The following ABCG5 variants were observed in gnomAD, a reference collection of about 807,000 sequenced individuals.
ABCG5 encodes ATP-binding cassette sub-family G member 5.
A neutral mutation model predicts 64.5 loss-of-function variants in ABCG5; 64 were observed. The ratio of observed to expected loss-of-function variants is 0.99; its 90% confidence interval spans 0.81 to 1.22. ABCG5 has a LOEUF of 1.22. Ranked by LOEUF, ABCG5 falls within the 50% of genes most tolerant of loss-of-function variation. ABCG5 has a pLI of 0.00. For synonymous variants in ABCG5, 385 were observed against 326.3 expected (o/e 1.18, Z -1.94); for missense variants, 908 against 829.5 (o/e 1.09, Z -1.16).
chr2:43,828,228 A>G (rs969261328), intron 4 of ABCG5, 113 bp from the exon 5 acceptor site: 21 of 1,432,836 alleles, frequency 1.5e-5, no homozygotes, highest in Non-Finnish European at 1.9e-5. Context: ...TCCAAGGGCC[A>G]CTTCCAGACT....
chr2:43,826,565 C>T (rs1193487547), intron 5 of ABCG5, 44 bp from the exon 6 acceptor site: 1 of 1,613,558 alleles, frequency 6.2e-7, no homozygotes. Flanking sequence ...GTGCAGAGCC[C>T]AGGCTCTGTG....
At chr2:43,817,798 T>C (rs542815468) in intron 11 of ABCG5, among the ~76,000 whole-genome samples, 1 of 151,692 alleles carries the variant, frequency 6.6e-6, no homozygotes, top group Admixed American at 6.6e-5. Flanking sequence ...TAATCCCAGC[T>C]ACTCGGGAGG....
Position 43,824,359 on chromosome 2 carries a change from T to C in ABCG5, c.978A>G (p.Glu326=). Residue 326 remains glutamate, a synonymous_variant, in exon 8 of 13, where the codon GAA becomes GAG. Coordinates refer to ENST00000405322, the MANE Select transcript of ABCG5 (RefSeq NM_022436.3). ...AAATTGCTGATTTCTTGTAGGCAGA[T>C]TCTATCATCTGGACTCTCTTGGAGG... is the stretch of plus-strand genomic sequence containing the variant. ...IETSKRVQMI[E]SAYKKSAICH... 26 of 1,614,220 alleles carry C rather than the reference T, an allele frequency of 1.6e-5. No individual in the cohort carries two copies. Among genetic ancestry groups the C allele is most frequent in the Non-Finnish European group, 2.2e-5 (26 of 1,180,040 alleles).
chr2:43,809,563 A>G (rs1666406154), downstream of ABCG5: 1 of 673,986 alleles, frequency 1.5e-6, no homozygotes, highest in African/African-American at 1.8e-5. Flanking sequence ...ATCATTTACA[A>G]AATAATTGGC....
chr2:43,813,708 C>G (rs565464350), intron 12 of ABCG5, among the ~76,000 whole-genome samples: 32 of 35,334 alleles, frequency 9.1e-4, no homozygotes, highest in East Asian at 2.8e-3. Context: ...TTTTTTTTTT[C>G]GTTTTTTTTT....
At chr2:43,832,271 G>T in intron 2 of ABCG5, 188 bp from the exon 3 acceptor site, 1 of 722,056 alleles carries the variant, frequency 1.4e-6, no homozygotes, top group Non-Finnish European at 2.3e-6. Flanking sequence ...GCGTGCAGCA[G>T]TCTCACGCGC....
At chr2:43,814,739 A>T (rs1431073015) in intron 11 of ABCG5, 150 bp from the exon 12 acceptor site, 1 of 586,642 alleles carries the variant, frequency 1.7e-6, no homozygotes, top group Non-Finnish European at 3.0e-6. Context: ...AAAAACCTTC[A>T]AACAACATTG....
chr2:43,829,205 T>C (rs1468668848), intron 4 of ABCG5, among the ~76,000 whole-genome samples: 1 of 152,208 alleles, frequency 6.6e-6, no homozygotes, highest in Non-Finnish European at 1.5e-5. Flanking sequence ...AAATGCTTTA[T>C]GTGTTTACAA....
At chr2:43,808,175 T>C (rs1458375732), downstream of ABCG5, among the ~76,000 whole-genome samples, 6 of 152,086 alleles carry the variant, frequency 3.9e-5, no homozygotes, top group Admixed American at 3.9e-4. Context: ...CTGAATTAGC[T>C]TTATTAGAAA....
Position 43,820,091 on chromosome 2 carries a change from G to C in ABCG5, c.1473C>G (p.Gly491=), listed in dbSNP as rs1667090060. Residue 491 remains glycine, a synonymous_variant, in exon 11 of 13, where the codon GGC becomes GGG. Coordinates refer to ENST00000405322, the MANE Select transcript of ABCG5 (RefSeq NM_022436.3). ...CAAATCGGGCAACCTCAGGATGTAAGCCCAGCGTCCTAGAAAAGCATAAGC... is the reference window on the plus strand; with the variant it reads ...CAAATCGGGCAACCTCAGGATGTAACCCCAGCGTCCTAGAAAAGCATAAGC... ...IFSSVCYWTL[G]LHPEVARFGY... is the part of the protein sequence containing the mutation. 2 of 1,613,666 alleles carry C rather than the reference G, an allele frequency of 1.2e-6. No individual in the cohort carries two copies. Among genetic ancestry groups the C allele is most frequent in the African/African-American group, 1.3e-5 (1 of 74,906 alleles).
chr2:43,819,847 A>C, intron 11 of ABCG5, 68 bp downstream of exon 11: 1 of 1,529,902 alleles, frequency 6.5e-7, no homozygotes, highest in South Asian at 1.1e-5. Context: ...CCTTTACTTC[A>C]GTCATTATTA....
upstream of ABCG5, chr2:43,838,978 G>C: frequency 6.8e-7 from 1 of 1,464,732 alleles, no homozygotes; most frequent in South Asian, 1.2e-5. This position sits in a 1 kb window ranked among gnomAD's most constrained non-coding sequence, Gnocchi z 4.2. Context: ...AGGAAACAGA[G>C]TGAAGACACT....
intron 10 of ABCG5, chr2:43,822,417 C>T: frequency 1.4e-6 from 1 of 696,348 alleles, no homozygotes; most frequent in Non-Finnish European, 1.8e-6. Flanking sequence ...GTCCTCTTCC[C>T]ACCCTCTGAA....
Position 43,831,881 on chromosome 2 carries a change from G to A in ABCG5, c.403-14C>T. 6.4e-7 allele frequency: 1 copy of A among 1,561,372 alleles called. No homozygotes were observed. Among genetic ancestry groups the A allele is most frequent in the Non-Finnish European group, 8.7e-7 (1 of 1,153,886 alleles). ...CAGGGTGTCGCTCTGCAGGAGACTC[G>A]GGCGTCAGTGTAGCCTAAGCCCCCG... On this transcript the variant is annotated splice_polypyrimidine_tract_variant and intron_variant, in intron 3 of 12. Coordinates refer to ENST00000405322, the MANE Select transcript of ABCG5 (RefSeq NM_022436.3).
intron 6 of ABCG5, among the ~76,000 whole-genome samples, chr2:43,825,408 GCTC>G (rs1311779608): frequency 1.3e-5 from 2 of 152,088 alleles, no homozygotes; most frequent in Non-Finnish European, 2.9e-5. Flanking sequence ...TTAAATCTCA[GCTC>G]CTCCTCTGTA....
In ABCG5 at chr2:43,836,948, G is replaced by A. The variant is rs529109386; in HGVS notation, c.265+886C>T. 2.6e-5 allele frequency among the ~76,000 whole-genome samples: 4 copies of A among 151,614 alleles called. No homozygotes were observed. The East Asian group carries it at 7.9e-4, about 30-fold the overall frequency. ...CCCAGCTGAGGTGGGAGGATCACTT[G>A]AGCTCAGGAGGTTAAGGATGCAGTG... On this transcript the variant is annotated intron_variant, in intron 2 of 12. Transcript: ENST00000405322.
chr2:43,832,265 G>T, intron 2 of ABCG5, 182 bp from the exon 3 acceptor site: 2 of 763,558 alleles, frequency 2.6e-6, no homozygotes, highest in Non-Finnish European at 4.2e-6. Context: ...CACTGTGCGT[G>T]CAGCAGTCTC....
At chr2:43,810,087 G>A (rs937683186), downstream of ABCG5, 16 of 572,142 alleles carry the variant, frequency 2.8e-5, no homozygotes, top group Non-Finnish European at 3.4e-5. Context: ...AAAAGTAAGA[G>A]TATTTGGTTA....
In ABCG5 at chr2:43,828,069, C is replaced by G. The variant is rs774422510; in HGVS notation, c.548G>C (p.Arg183Pro). Residue 183 changes from arginine (R) to proline (P), a missense_variant, in exon 5 of 13, where the codon CGA becomes CCA. By Grantham distance (103) the Arg-to-Pro change is moderately radical. Coordinates refer to ENST00000405322, the MANE Select transcript of ABCG5 (RefSeq NM_022436.3). ...AELSLSHVAD[R>P]LIGNYSLGGI... Reference sequence around the variant, plus strand: ...CCCCAAGCTGTAGTTGCCAATCAGTCGGTCTGCCACATGGCTCAGACTCAG... The same window carrying G: ...CCCCAAGCTGTAGTTGCCAATCAGTGGGTCTGCCACATGGCTCAGACTCAG... 2 of 1,613,984 alleles carry G rather than the reference C, an allele frequency of 1.2e-6. No individual in the cohort carries two copies. Among genetic ancestry groups the G allele is most frequent in the African/African-American group, 2.7e-5 (2 of 74,912 alleles).
Sources: allele counts gnomAD v4.1 joint callset (sites outside exome capture counted in the v4.1 genomes callset), GRCh38; gene constraint gnomAD v4.1.1; non-coding constraint Gnocchi (gnomAD v3.1); transcripts MANE v1.5; gene names NCBI Gene and HGNC (gene_info 2026-07-23, HGNC 2026-07-21).